KLF13: variants seen among roughly 807,000 people sequenced by gnomAD.
KLF13 encodes the protein Krueppel-like factor 13.
A neutral mutation model predicts 16.7 loss-of-function variants in KLF13; 8 were observed. That is an observed-to-expected ratio of 0.48 (90% CI 0.28 to 0.87). KLF13 has a LOEUF of 0.87. Among genes scored for constraint, KLF13 ranks in the 40% least tolerant of loss-of-function variants. The pLI is 0.10. For synonymous variants in KLF13, 245 were observed against 208.4 expected (o/e 1.18, Z -1.51); for missense variants, 447 against 452.2 (o/e 0.99, Z 0.10).
chr15:31,352,496 G>A (rs565636069), intron 1 of KLF13, among the ~76,000 whole-genome samples: 9 of 152,332 alleles, frequency 5.9e-5, no homozygotes, highest in Middle Eastern at 3.4e-3. Flanking sequence ...CCATGACGTC[G>A]GCCAGCAGCC....
intron 2 of KLF13, among the ~76,000 whole-genome samples, chr15:31,397,250 C>CT (rs2039965776): frequency 1.9e-5 from 1 of 52,088 alleles, no homozygotes; most frequent in Non-Finnish European, 3.9e-5. Flanking sequence ...GTGGGGCGGG[C>CT]AGGGCAGGGC....
rs548939434 is a variant in KLF13, at chr15:31,355,314, T to C, written c.578-16696T>C. The stretch of plus-strand genomic sequence containing the variant: ...AGATGGCAGGGCCAGCACTCTCCAA[T>C]GGCTTCTGAAGAGGAGCTACTAGGA... On this transcript the variant is annotated intron_variant, in intron 1 of 1. Coordinates refer to ENST00000307145, the MANE Select transcript of KLF13 (RefSeq NM_015995.4). 3.9e-5 allele frequency among the ~76,000 whole-genome samples: 6 copies of C among 152,298 alleles called. No individual in the cohort carries two copies. In the South Asian group the frequency reaches 6.2e-4, roughly 16 times the overall value.
At chr15:31,406,415 T>C (rs1197729567), downstream of KLF13, among the ~76,000 whole-genome samples, 1 of 152,180 alleles carries the variant, frequency 6.6e-6, no homozygotes, top group East Asian at 1.9e-4. Context: ...AGGCAGAAAC[T>C]GCCTTTCTGT....
chr15:31,358,972 G>A (rs999940394), intron 1 of KLF13, among the ~76,000 whole-genome samples: 1 of 152,244 alleles, frequency 6.6e-6, no homozygotes, highest in Non-Finnish European at 1.5e-5. Context: ...CGTGCTCAGG[G>A]AAGATGCTTC....
chr15:31,416,946 G>T (rs930379940), intron 1 of KLF13, among the ~76,000 whole-genome samples: 1 of 152,188 alleles, frequency 6.6e-6, no homozygotes, highest in Non-Finnish European at 1.5e-5. Context: ...GCCTTTAAGA[G>T]GTGATTAGGT....
intron 1 of KLF13, among the ~76,000 whole-genome samples, chr15:31,426,191 A>AT (rs2040399347): frequency 6.6e-6 from 1 of 152,190 alleles, no homozygotes; most frequent in Non-Finnish European, 1.5e-5. Context: ...ACTCTCCCAC[A>AT]TTTTTCTATC....
intron 1 of KLF13, among the ~76,000 whole-genome samples, chr15:31,354,497 C>T (rs2039268541): frequency 6.6e-6 from 1 of 152,216 alleles, no homozygotes; most frequent in Non-Finnish European, 1.5e-5. Flanking sequence ...TCTCCTGCCT[C>T]AGCCTCTCAA....
intron 1 of KLF13, among the ~76,000 whole-genome samples, chr15:31,355,840 T>A (rs1469198468): frequency 6.6e-6 from 1 of 151,116 alleles, no homozygotes; most frequent in East Asian, 2.0e-4. Context: ...CAGCCCCCCA[T>A]TTGTCCCCAC....
chr15:31,353,829 G>C (rs1330858445), intron 1 of KLF13, among the ~76,000 whole-genome samples: 1 of 151,914 alleles, frequency 6.6e-6, no homozygotes. Flanking sequence ...CTCTCTCACC[G>C]AGGACTCTAT....
At chr15:31,388,765 C>CAAAAAAAAAAAAAAAAAAA (rs11310230), upstream of KLF13, among the ~76,000 whole-genome samples, 1 of 106,224 alleles carries the variant, frequency 9.4e-6, no homozygotes, top group Non-Finnish European at 1.8e-5. Context: ...TAAAAAATCC[C>CAAAAAAAAAAAAAAAAAAA]AAAAAAAAAA....
chr15:31,428,272 C>G (rs534940110), intron 1 of KLF13, among the ~76,000 whole-genome samples: 1 of 152,096 alleles, frequency 6.6e-6, no homozygotes, highest in Non-Finnish European at 1.5e-5. Flanking sequence ...ATTTTTCTTA[C>G]CACAATTAAG....
chr15:31,381,318 G>T (rs1206477633), downstream of KLF13, among the ~76,000 whole-genome samples: 1 of 152,118 alleles, frequency 6.6e-6, no homozygotes, highest in African/African-American at 2.4e-5. Context: ...TAAAATCCAG[G>T]TGTCATCAGG....
At chr15:31,369,773 C>T (rs1239257453) in intron 1 of KLF13, among the ~76,000 whole-genome samples, 2 of 152,198 alleles carry the variant, frequency 1.3e-5, no homozygotes, top group African/African-American at 2.4e-5. Flanking sequence ...CTCATTTTAG[C>T]TGGAGTGTGT....
In KLF13 at chr15:31,434,076, G is replaced by T. The variant is rs142172405; in HGVS notation, n.118-1294G>T. On this transcript the variant is annotated intron_variant and non_coding_transcript_variant, in intron 1 of 1. Coordinates refer to the KLF13 transcript ENST00000558225. ...CCCAGAGAGATTCCCACCTAGTGGAGGGTAAGAGGCCTGCCATCATTGCCA... is the reference window on the plus strand; with the variant it reads ...CCCAGAGAGATTCCCACCTAGTGGATGGTAAGAGGCCTGCCATCATTGCCA... Among the ~76,000 whole-genome samples the T allele has an allele frequency of 9.0e-3, 1,367 of 152,334 alleles. 8 individuals are homozygous for T. The highest frequency in any genetic ancestry group is 0.014 in the Non-Finnish European group (965 of 68,022).
intron 1 of KLF13, among the ~76,000 whole-genome samples, chr15:31,361,673 G>A (rs1304204058): frequency 6.6e-6 from 1 of 152,118 alleles, no homozygotes; most frequent in African/African-American, 2.4e-5. Flanking sequence ...TCCCTCAGTT[G>A]CCTAGAGAGC....
At chr15:31,395,577 T>A (rs2039942852) in intron 2 of KLF13, among the ~76,000 whole-genome samples, 1 of 152,166 alleles carries the variant, frequency 6.6e-6, no homozygotes, top group Non-Finnish European at 1.5e-5. Context: ...CCAGACTGTT[T>A]CCATCTGCAC....
intron 1 of KLF13, among the ~76,000 whole-genome samples, chr15:31,356,197 G>GA (rs2140952422): frequency 6.6e-6 from 1 of 152,278 alleles, no homozygotes; most frequent in African/African-American, 2.4e-5. Flanking sequence ...CGCTCAAGTA[G>GA]GACCTGGTGT....
At chr15:31,417,686 C>T (rs896640106) in intron 1 of KLF13, among the ~76,000 whole-genome samples, 14 of 151,560 alleles carry the variant, frequency 9.2e-5, no homozygotes, top group Non-Finnish European at 1.8e-4. Flanking sequence ...GGATTACAGG[C>T]GCATACCACC....
chr15:31,383,794 C>T (rs990709471), intron 1 of KLF13, among the ~76,000 whole-genome samples: 17 of 152,020 alleles, frequency 1.1e-4, no homozygotes, highest in African/African-American at 3.4e-4. Flanking sequence ...CCCAGCTACT[C>T]GGGAGGCTGA....
Sources: allele counts gnomAD v4.1 joint callset (sites outside exome capture counted in the v4.1 genomes callset), GRCh38; gene constraint gnomAD v4.1.1; transcripts MANE v1.5; gene names NCBI Gene and HGNC (gene_info 2026-07-23, HGNC 2026-07-21).